ATG10: variants seen among roughly 807,000 people sequenced by gnomAD.
The protein encoded by ATG10 is ubiquitin-like-conjugating enzyme ATG10.
In ATG10, 30 loss-of-function variants were observed where a neutral mutation model predicts 32.1. The ratio of observed to expected loss-of-function variants is 0.94; its 90% CI spans 0.70 to 1.27. The LOEUF is 1.27. Among genes scored for constraint, ATG10 ranks in the 50% most tolerant of loss-of-function variants. The probability of loss-of-function intolerance (pLI) is 0.00; values close to 1 mark genes in which losing one functional copy is unlikely to be tolerated. For synonymous variants in ATG10, 87 were observed against 91.5 expected (o/e 0.95, Z 0.28); for missense variants, 233 against 262.3 (o/e 0.89, Z 0.77).
intron 5 of ATG10, among the ~76,000 whole-genome samples, chr5:82,204,275 GC>G (rs1406095236): frequency 6.6e-6 from 1 of 152,210 alleles, no homozygotes; most frequent in African/African-American, 2.4e-5. Context: ...AACAATAGGG[GC>G]CAGACTTATA....
intron 3 of ATG10, among the ~76,000 whole-genome samples, chr5:82,102,990 AT>A (rs550097893): frequency 3.3e-5 from 5 of 151,848 alleles, no homozygotes; most frequent in African/African-American, 4.8e-5. Context: ...ATGACAATTT[AT>A]TTTTTTTAGG....
chr5:82,051,937 GA>G (rs1763442913), intron 2 of ATG10, among the ~76,000 whole-genome samples: 7 of 152,250 alleles, frequency 4.6e-5, no homozygotes, highest in African/African-American at 1.7e-4. Flanking sequence ...AACAGCTACT[GA>G]TAGTATTGGT....
chr5:82,214,769 C>T (rs1044076990), intron 5 of ATG10, among the ~76,000 whole-genome samples: 2 of 152,122 alleles, frequency 1.3e-5, no homozygotes, highest in Admixed American at 1.3e-4. Flanking sequence ...GGCAGCTAAC[C>T]CTCATTGAGA....
chr5:82,136,069 T>A (rs1361656605), intron 3 of ATG10, among the ~76,000 whole-genome samples: 1 of 152,190 alleles, frequency 6.6e-6, no homozygotes, highest in African/African-American at 2.4e-5. Flanking sequence ...TTGCTTTCCA[T>A]TTGCTTGGTA....
At chr5:81,981,983 G>A (rs1297086031) in intron 1 of ATG10, among the ~76,000 whole-genome samples, 1 of 152,180 alleles carries the variant, frequency 6.6e-6, no homozygotes, top group Admixed American at 6.5e-5. Flanking sequence ...TAGTCTAAGG[G>A]CTAACTTACA....
intron 2 of ATG10, among the ~76,000 whole-genome samples, chr5:81,994,220 A>T (rs1335096682): frequency 6.6e-6 from 1 of 152,028 alleles, no homozygotes; most frequent in East Asian, 1.9e-4. Flanking sequence ...CTTGTCACAG[A>T]ATAATATAGA....
chr5:82,057,920 T>A lies in ATG10; in HGVS notation c.109-575T>A, dbSNP rs149987092. On this transcript the variant is annotated intron_variant, in intron 2 of 7. Transcript: ENST00000282185. ...GGGCAGAACTAAGTAAGTTAAAGGA[T>A]GTGAAATACAGGACAAAACTTTCTT... 3.2e-3 allele frequency among the ~76,000 whole-genome samples: 483 copies of A among 152,234 alleles called. 3 individuals carry two copies. Among genetic ancestry groups the A allele is most frequent in the South Asian group, 8.9e-3 (43 of 4,820 alleles).
At chr5:82,150,029 T>C (rs1767527254) in intron 3 of ATG10, among the ~76,000 whole-genome samples, 1 of 86,764 alleles carries the variant, frequency 1.2e-5, no homozygotes, top group African/African-American at 4.4e-5. Context: ...GTTAAATTCA[T>C]GTATAGAGGA....
intron 2 of ATG10, among the ~76,000 whole-genome samples, chr5:81,994,750 T>C (rs1180762495): frequency 6.6e-6 from 1 of 152,242 alleles, no homozygotes; most frequent in Non-Finnish European, 1.5e-5. Flanking sequence ...TACTCTAGCC[T>C]TCTTAGTTTG....
intron 3 of ATG10, among the ~76,000 whole-genome samples, chr5:82,093,510 T>C (rs963152767): frequency 6.6e-6 from 1 of 152,180 alleles, no homozygotes; most frequent in Non-Finnish European, 1.5e-5. Context: ...GGATGACAAA[T>C]GGCAGCCCAT....
chr5:82,092,538 T>G (rs902899425), intron 3 of ATG10, among the ~76,000 whole-genome samples: 3 of 152,152 alleles, frequency 2.0e-5, no homozygotes, highest in African/African-American at 7.2e-5. Context: ...TGAGGCTGCT[T>G]TCACCTGGTG....
intron 3 of ATG10, among the ~76,000 whole-genome samples, chr5:82,085,179 A>G (rs1488099920): frequency 2.0e-5 from 3 of 152,148 alleles, no homozygotes; most frequent in Non-Finnish European, 4.4e-5. Flanking sequence ...AGGGGTTGCA[A>G]TCCTAGTCTC....
At chr5:82,234,370 C>T (rs1746479817) in intron 5 of ATG10, among the ~76,000 whole-genome samples, 1 of 152,100 alleles carries the variant, frequency 6.6e-6, no homozygotes, top group South Asian at 2.1e-4. Flanking sequence ...GGTATCAGGG[C>T]CCACCCTGCA....
chr5:82,073,650 G>A (rs1764191764), intron 3 of ATG10: 1 of 152,172 alleles, frequency 6.6e-6, no homozygotes, highest in African/African-American at 2.4e-5. Flanking sequence ...GTGGATGTGT[G>A]TATTAAATAT....
At chr5:82,133,451 G>T (rs1766619723) in intron 3 of ATG10, among the ~76,000 whole-genome samples, 1 of 152,100 alleles carries the variant, frequency 6.6e-6, no homozygotes, top group South Asian at 2.1e-4. Flanking sequence ...TGGCTAGCCA[G>T]TTTCCCAACA....
chr5:82,035,252 C>T (rs573008254), intron 2 of ATG10, among the ~76,000 whole-genome samples: 49 of 152,234 alleles, frequency 3.2e-4, no homozygotes, highest in Middle Eastern at 6.8e-3. Context: ...ACTTGTTCTA[C>T]ATATTTAGTT....
intron 3 of ATG10, among the ~76,000 whole-genome samples, chr5:82,152,599 C>T (rs959855670): frequency 6.6e-6 from 1 of 152,180 alleles, no homozygotes; most frequent in Non-Finnish European, 1.5e-5. Flanking sequence ...CAGCCAAGGC[C>T]TTTTGGTGCC....
intron 2 of ATG10, among the ~76,000 whole-genome samples, chr5:81,997,879 A>G (rs913273443): frequency 2.0e-5 from 3 of 152,230 alleles, no homozygotes; most frequent in Admixed American, 2.0e-4. Flanking sequence ...TTTGAAAAAT[A>G]TAGAGTTATG....
chr5:82,191,337 G>A (rs958508106), intron 5 of ATG10, among the ~76,000 whole-genome samples: 1 of 152,212 alleles, frequency 6.6e-6, no homozygotes, highest in Admixed American at 6.5e-5. Flanking sequence ...TGTTTCTGCT[G>A]TCCAGAGTTG....
Sources: allele counts gnomAD v4.1 joint callset (sites outside exome capture counted in the v4.1 genomes callset), GRCh38; gene constraint gnomAD v4.1.1; transcripts MANE v1.5; gene names NCBI Gene and HGNC (gene_info 2026-07-23, HGNC 2026-07-21).